MTRES1: variants seen among roughly 807,000 people sequenced by gnomAD.
MTRES1 encodes the protein mitochondrial transcription rescue factor 1.
MTRES1 carries 11 observed loss-of-function variants against 17.4 expected under a neutral mutation model. The observed-to-expected ratio is 0.63, with a 90% CI of 0.40 to 1.05. The LOEUF (loss-of-function observed/expected upper bound fraction) is 1.05, where lower values mean the gene tolerates loss of function less well. MTRES1 is among the 50% of genes least tolerant of loss of function. The pLI is 0.00. For synonymous variants in MTRES1, 94 were observed against 99.6 expected (o/e 0.94, Z 0.34); for missense variants, 268 against 276.2 (o/e 0.97, Z 0.21).
chr6:107,036,420 G>C (rs547707942), intron 1 of MTRES1, among the ~76,000 whole-genome samples: 3 of 152,220 alleles, frequency 2.0e-5, no homozygotes, highest in African/African-American at 7.2e-5. Flanking sequence ...GCGCATGCCT[G>C]TAATCGCAGC....
chr6:107,035,781 T>A, intron 1 of MTRES1, among the ~76,000 whole-genome samples: 1 of 151,980 alleles, frequency 6.6e-6, no homozygotes, highest in East Asian at 1.9e-4. Flanking sequence ...CCCGAGTAGC[T>A]GAGATAACAG....
intron 1 of MTRES1, among the ~76,000 whole-genome samples, chr6:107,029,495 T>TG (rs758906696): frequency 1.5e-4 from 21 of 142,148 alleles, no homozygotes; most frequent in Non-Finnish European, 2.7e-4. Flanking sequence ...CCTGTTTTGT[T>TG]GTTTTTTTTT....
chr6:107,029,566 C>T (rs1256746903), intron 1 of MTRES1, among the ~76,000 whole-genome samples: 1 of 151,664 alleles, frequency 6.6e-6, no homozygotes, highest in African/African-American at 2.4e-5. Context: ...TCACTGCAGC[C>T]TCCCCCTCCC....
intron 3 of MTRES1, 35 bp from the exon 4 acceptor site, chr6:107,051,022 G>T: frequency 6.5e-7 from 1 of 1,547,032 alleles, no homozygotes; most frequent in Non-Finnish European, 8.8e-7. Context: ...ATTTCCCGAA[G>T]TGTAACCAAG....
At chr6:107,036,468 A>G (rs1268501350) in intron 1 of MTRES1, among the ~76,000 whole-genome samples, 1 of 151,972 alleles carries the variant, frequency 6.6e-6, no homozygotes, top group African/African-American at 2.4e-5. Flanking sequence ...ACTTGAACCC[A>G]GGAGGCAGAG....
At chr6:107,044,173 G>T in intron 2 of MTRES1, 87 bp from the exon 3 acceptor site, 2 of 890,496 alleles carry the variant, frequency 2.2e-6, no homozygotes, top group South Asian at 3.0e-5. Flanking sequence ...GTTTTGTTAC[G>T]TGGATATACT....
At chr6:107,050,208 T>G in intron 3 of MTRES1, among the ~76,000 whole-genome samples, 1 of 152,252 alleles carries the variant, frequency 6.6e-6, no homozygotes, top group African/African-American at 2.4e-5. Context: ...AAAAATGGGT[T>G]TGACCTCAGC....
At chr6:107,029,936 C>T in intron 1 of MTRES1, 1 of 633,096 alleles carries the variant, frequency 1.6e-6, no homozygotes. Context: ...CCTTACCCTG[C>T]TCCACTTTCT....
intron 1 of MTRES1, among the ~76,000 whole-genome samples, chr6:107,039,120 A>T (rs1246634076): frequency 6.6e-6 from 1 of 152,082 alleles, no homozygotes; most frequent in African/African-American, 2.4e-5. Context: ...TTTTTTTAGG[A>T]GCAATCAGTA....
At chr6:107,033,947 A>C (rs1773925999) in intron 1 of MTRES1, among the ~76,000 whole-genome samples, 1 of 152,184 alleles carries the variant, frequency 6.6e-6, no homozygotes, top group Admixed American at 6.5e-5. Flanking sequence ...GTGTTTCCTC[A>C]ATTTTATGTT....
chr6:107,048,977 CTG>C (rs1292313893), intron 3 of MTRES1, among the ~76,000 whole-genome samples: 8 of 151,908 alleles, frequency 5.3e-5, no homozygotes, highest in African/African-American at 1.7e-4. Flanking sequence ...ATCTGCCCCT[CTG>C]TGAGTTTTAT....
At chr6:107,043,254 A>C (rs1774280051) in intron 2 of MTRES1, among the ~76,000 whole-genome samples, 1 of 152,048 alleles carries the variant, frequency 6.6e-6, no homozygotes, top group Admixed American at 6.6e-5. Flanking sequence ...GAATGGCGTG[A>C]ACTTGGGAGG....
intron 3 of MTRES1, among the ~76,000 whole-genome samples, chr6:107,049,571 A>G (rs1340259417): frequency 6.7e-6 from 1 of 150,136 alleles, no homozygotes; most frequent in Non-Finnish European, 1.5e-5. Flanking sequence ...CCGCCACCAC[A>G]CCCAGCTAAT....
intron 1 of MTRES1, among the ~76,000 whole-genome samples, chr6:107,034,202 C>T (rs141858084): frequency 3.3e-5 from 5 of 152,218 alleles, no homozygotes; most frequent in African/African-American, 4.8e-5. Flanking sequence ...AAGTAAACAA[C>T]GGTACGGTAT....
chr6:107,029,753 G>T (rs9384637), intron 1 of MTRES1, among the ~76,000 whole-genome samples: 17,635 of 152,090 alleles, frequency 0.12, 1,408 homozygotes, highest in East Asian at 0.35. Context: ...CCAAGTACTG[G>T]AATTACAGGC....
At position 107,049,909 on chromosome 6, in the gene MTRES1, C is replaced by T. The variant is rs375215192; in HGVS notation, c.544-1148C>T. On this transcript the variant is annotated intron_variant, in intron 3 of 3. Coordinates refer to ENST00000311381, the MANE Select transcript of MTRES1 (RefSeq NM_016487.5). ...GCTAATTTTGTATTTTTAGTAGAGA[C>T]GGGGTTTCACCATGTTGGTCAGGCC... Among the ~76,000 whole-genome samples the T allele has an allele frequency of 4.1e-4, 63 of 152,156 alleles. 1 individual carries two copies. The South Asian group carries it at 7.3e-3, about 18-fold the overall frequency.
intron 1 of MTRES1, among the ~76,000 whole-genome samples, chr6:107,030,789 C>T (rs1773809741): frequency 6.6e-6 from 1 of 152,170 alleles, no homozygotes; most frequent in Admixed American, 6.6e-5. Context: ...AGTTCTGAGA[C>T]ACTAGCCAAG....
chr6:107,039,758 GC>G lies in MTRES1; in HGVS notation c.-1del. On this transcript the variant is annotated 5_prime_UTR_variant, in exon 2 of 4. Coordinates refer to ENST00000311381, the MANE Select transcript of MTRES1 (RefSeq NM_016487.5). ...TTATTATCTGTTTCAGATTATAAGC[GC>G]CATGGCTATGGCTAGTGTTAAATTG... 1 of 1,591,310 alleles carries G rather than the reference GC, an allele frequency of 6.3e-7. No individual in the cohort carries two copies. The highest frequency in any genetic ancestry group is 8.5e-7 in the Non-Finnish European group (1 of 1,173,454).
intron 1 of MTRES1, among the ~76,000 whole-genome samples, chr6:107,032,428 C>G (rs1554226541): frequency 2.0e-5 from 3 of 152,114 alleles, no homozygotes; most frequent in Non-Finnish European, 4.4e-5. Context: ...GCAAGAATGC[C>G]TGAGCTGGGT....
Sources: allele counts gnomAD v4.1 joint callset (sites outside exome capture counted in the v4.1 genomes callset), GRCh38; gene constraint gnomAD v4.1.1; transcripts MANE v1.5; gene names NCBI Gene and HGNC (gene_info 2026-07-23, HGNC 2026-07-21).